Variants in COL22A1 observed in about 807,000 individuals in gnomAD.
The protein encoded by COL22A1 is collagen alpha-1(XXII) chain.
Under a neutral mutation model 248.9 loss-of-function variants are expected in COL22A1, and 221 were observed. The observed-to-expected ratio is 0.89, with a 90% CI of 0.80 to 0.99. The LOEUF is 0.99. COL22A1 is among the 50% of genes least tolerant of loss of function. The pLI is 0.00. For missense variants in COL22A1, 2,240 were observed against 2,179.0 expected, an observed-to-expected ratio of 1.03 and a Z score of -0.56; for synonymous variants, 891 against 793.4, an observed-to-expected ratio of 1.12 and a Z score of -2.07.
intron 25 of COL22A1, among the ~76,000 whole-genome samples, chr8:138,723,673 C>T (rs894378233): frequency 1.3e-5 from 2 of 152,156 alleles, no homozygotes; most frequent in Admixed American, 1.3e-4. Context: ...AAACGTTTGC[C>T]GGTGATGGTG....
chr8:138,756,032 A>C (rs1373830673), intron 18 of COL22A1, among the ~76,000 whole-genome samples: 1 of 152,142 alleles, frequency 6.6e-6, no homozygotes. Flanking sequence ...GCCTCAGATC[A>C]TAGGCTTCTT....
Position 138,724,652 on chromosome 8 carries a change from A to G in COL22A1, c.2210T>C (p.Ile737Thr). ...PGGSPGLPGEIGFPGKPGPPG... is the reference protein window; with the variant it reads ...PGGSPGLPGETGFPGKPGPPG... ...AGGTCCAGGCTTTCCCGGGAAGCCG[A>G]TCTCTCCAGGCAAACCCTGAAAGGG... Residue 737 changes from isoleucine to threonine, a missense_variant, in exon 25 of 65, where the codon ATC becomes ACC. Coordinates refer to ENST00000303045, the MANE Select transcript of COL22A1 (RefSeq NM_152888.3). The G allele has an allele frequency of 6.2e-7, 1 of 1,614,188 alleles. No individual in the cohort carries two copies. The highest frequency in any genetic ancestry group is 8.5e-7 in the Non-Finnish European group (1 of 1,180,016).
chr8:138,639,462 TAACA>T (rs879760269), intron 47 of COL22A1, among the ~76,000 whole-genome samples: 1 of 152,202 alleles, frequency 6.6e-6, no homozygotes, highest in Non-Finnish European at 1.5e-5. Context: ...ACTGGATATA[TAACA>T]ATCAATGAAA....
At chr8:138,641,421 C>T (rs1821691726) in intron 47 of COL22A1, among the ~76,000 whole-genome samples, 1 of 152,166 alleles carries the variant, frequency 6.6e-6, no homozygotes, top group Non-Finnish European at 1.5e-5. Context: ...GAATAGTCAT[C>T]ATTTCCAACC....
chr8:138,826,510 G>C, intron 6 of COL22A1, 148 bp downstream of exon 6: 3 of 763,814 alleles, frequency 3.9e-6, no homozygotes, highest in Non-Finnish European at 6.4e-6. Flanking sequence ...CCCCCCTGCA[G>C]GTCCTCTGAG....
chr8:138,823,647 T>A (rs1478628653), intron 6 of COL22A1, among the ~76,000 whole-genome samples: 1 of 152,166 alleles, frequency 6.6e-6, no homozygotes, highest in South Asian at 2.1e-4. Context: ...CTCAGGTGAT[T>A]TGCCTGCCTT....
chr8:138,829,403 GTTTT>G (rs765618552), intron 5 of COL22A1, among the ~76,000 whole-genome samples: 3 of 90,640 alleles, frequency 3.3e-5, no homozygotes, highest in African/African-American at 1.3e-4. Context: ...TTCCTTTCCT[GTTTT>G]TTTTTTTTTT....
intron 47 of COL22A1, among the ~76,000 whole-genome samples, chr8:138,637,760 T>C (rs1195577488): frequency 6.6e-6 from 1 of 152,166 alleles, no homozygotes; most frequent in East Asian, 1.9e-4. Flanking sequence ...TATGACAGGT[T>C]GTGTGTTAGC....
chr8:138,605,946 G>A (rs1818384672), intron 58 of COL22A1, among the ~76,000 whole-genome samples: 1 of 152,052 alleles, frequency 6.6e-6, no homozygotes, highest in Non-Finnish European at 1.5e-5. Context: ...ATTTCCAGGG[G>A]TCCTTCAAGT....
chr8:138,775,820 G>A, intron 16 of COL22A1, 146 bp downstream of exon 16: 1 of 816,182 alleles, frequency 1.2e-6, no homozygotes, highest in Admixed American at 1.8e-5. Context: ...ACATACACAT[G>A]CAAATATACA....
chr8:138,725,636 C>A (rs897297399), intron 23 of COL22A1, among the ~76,000 whole-genome samples, 196 bp from the exon 24 acceptor site: 1 of 152,202 alleles, frequency 6.6e-6, no homozygotes, highest in African/African-American at 2.4e-5. Flanking sequence ...TTGCAAAATG[C>A]TAACATTTCA....
At chr8:138,608,015 T>C (rs780517028) in intron 56 of COL22A1, 26 bp from the exon 57 acceptor site, 4 of 1,612,188 alleles carry the variant, frequency 2.5e-6, no homozygotes, top group African/African-American at 1.3e-5. Flanking sequence ...GAGGTAATCA[T>C]CCTGCCAGGG....
At chr8:138,611,231 G>A (rs186976816) in intron 56 of COL22A1, among the ~76,000 whole-genome samples, 6 of 152,328 alleles carry the variant, frequency 3.9e-5, no homozygotes, top group Non-Finnish European at 8.8e-5. Context: ...ACATTCCAAG[G>A]GCTGGGCACT....
chr8:138,719,633 G>A (rs1319178523), intron 27 of COL22A1, among the ~76,000 whole-genome samples: 1 of 152,216 alleles, frequency 6.6e-6, no homozygotes, highest in Non-Finnish European at 1.5e-5. Context: ...AAGGGCCCGG[G>A]ATGTGCCCAC....
chr8:138,744,621 T>C (rs1013540125), intron 22 of COL22A1, among the ~76,000 whole-genome samples: 2 of 152,182 alleles, frequency 1.3e-5, no homozygotes, highest in African/African-American at 4.8e-5. Flanking sequence ...TAATTTGATG[T>C]ATACCTTTAA....
chr8:138,886,290 G>A (rs1030252723), intron 1 of COL22A1, among the ~76,000 whole-genome samples: 11 of 152,176 alleles, frequency 7.2e-5, no homozygotes, highest in African/African-American at 2.4e-4. Context: ...GTGGCCTAGT[G>A]AGGAGGGTCT....
intron 41 of COL22A1, among the ~76,000 whole-genome samples, chr8:138,669,487 G>A (rs1204000838): frequency 6.6e-6 from 1 of 152,164 alleles, no homozygotes; most frequent in Non-Finnish European, 1.5e-5. Context: ...ACCATGCCAC[G>A]AAGGAGGCTC....
In COL22A1 at chr8:138,833,082, A is replaced by G; in HGVS notation, c.802T>C (p.Ser268Pro). ...GGGAAGGATCCCATCCGTACATAGG[A>G]ACTCTGAGCTCCATTCTCTCTCTTC... Reference protein sequence around the residue: ...LGKRENGAQSSYVRMGSFPVV... With the variant: ...LGKRENGAQSPYVRMGSFPVV... Residue 268 changes from serine (S) to proline (P), a missense_variant, in exon 5 of 65, where the codon TCC becomes CCC. Ser to Pro is a moderately conservative substitution (Grantham distance 74). Transcript: ENST00000303045. 6.2e-7 allele frequency: 1 copy of G among 1,613,940 alleles called. No homozygotes were observed. Among genetic ancestry groups the G allele is most frequent in the Non-Finnish European group, 8.5e-7 (1 of 1,179,826 alleles).
intron 58 of COL22A1, among the ~76,000 whole-genome samples, chr8:138,605,232 G>A (rs894260301): frequency 4.6e-5 from 7 of 152,154 alleles, no homozygotes; most frequent in Non-Finnish European, 5.9e-5. Context: ...GTCTTCATCT[G>A]TAAAATGAGA....
Sources: gnomAD v4.1 joint callset for allele counts (sites outside exome capture counted in the v4.1 genomes callset) on GRCh38, gnomAD v4.1.1 for gene constraint, MANE v1.5 for transcripts, NCBI Gene and HGNC (gene_info 2026-07-23, HGNC 2026-07-21) for gene names.